GUCY2C: variants seen among roughly 807,000 people sequenced by gnomAD.
GUCY2C encodes guanylyl cyclase C.
GUCY2C carries 118 observed loss-of-function variants against 131.1 expected under a neutral mutation model. The observed-to-expected ratio is 0.90, with a 90% CI of 0.78 to 1.05. The LOEUF (loss-of-function observed/expected upper bound fraction) is 1.05, where lower values mean the gene tolerates loss of function less well. GUCY2C is among the 50% of genes least tolerant of loss of function. The pLI, the probability that GUCY2C is intolerant of heterozygous loss-of-function variation, is 0.00. For synonymous variants in GUCY2C, 452 were observed against 457.8 expected, an observed-to-expected ratio of 0.99 and a Z score of 0.16; for missense variants, 1,161 against 1,304.4, an observed-to-expected ratio of 0.89 and a Z score of 1.69.
intron 3 of GUCY2C, among the ~76,000 whole-genome samples, chr12:14,683,754 C>A (rs559276126): frequency 2.6e-5 from 4 of 152,214 alleles, no homozygotes; most frequent in African/African-American, 9.6e-5. Context: ...ATCTTCAGTG[C>A]TCCATCAAAA....
intron 10 of GUCY2C, among the ~76,000 whole-genome samples, chr12:14,665,379 G>A (rs1055091380): frequency 1.3e-5 from 2 of 152,150 alleles, no homozygotes; most frequent in African/African-American, 4.8e-5. Flanking sequence ...CTTTAAGGAA[G>A]TAGGGAGGAA....
chr12:14,684,621 CTTCCTTCCT>C (rs1477326679), intron 3 of GUCY2C, among the ~76,000 whole-genome samples: 16 of 24,244 alleles, frequency 6.6e-4, no homozygotes, highest in African/African-American at 1.9e-3. Context: ...TCCTTCCTTC[CTTCCTTCCT>C]TTCCTTTCCT....
At chr12:14,628,508 G>C (rs1334853577) in intron 20 of GUCY2C, 138 bp downstream of exon 20, 1 of 611,824 alleles carries the variant, frequency 1.6e-6, no homozygotes, top group African/African-American at 1.9e-5. Context: ...TCATTTTAAT[G>C]TTATGAGGCA....
chr12:14,694,216 A>G (rs535791573), intron 1 of GUCY2C, among the ~76,000 whole-genome samples: 4 of 152,222 alleles, frequency 2.6e-5, no homozygotes, highest in Non-Finnish European at 5.9e-5. Flanking sequence ...AAGATCTGTC[A>G]GGTTCCAAAT....
In GUCY2C at chr12:14,662,599, C is replaced by A. The variant is rs1462266751; in HGVS notation, c.1283-1537G>T. Among the ~76,000 whole-genome samples, 3 of 150,822 alleles carry A rather than the reference C, an allele frequency of 2.0e-5. No individual in the cohort carries two copies. The East Asian group carries it at 5.8e-4, about 29-fold the overall frequency. ...GCTGAAGCAGGAGAATCGCTTGAACCCGGGAGGTGGAGGTTGTAGTGAGCC... is the reference window on the plus strand; with the variant it reads ...GCTGAAGCAGGAGAATCGCTTGAACACGGGAGGTGGAGGTTGTAGTGAGCC... On this transcript the variant is annotated intron_variant, in intron 10 of 26. Coordinates refer to ENST00000261170, the MANE Select transcript of GUCY2C (RefSeq NM_004963.4).
intron 10 of GUCY2C, among the ~76,000 whole-genome samples, chr12:14,663,875 A>G (rs549626864): frequency 2.0e-5 from 3 of 152,356 alleles, no homozygotes; most frequent in Non-Finnish European, 2.9e-5. Context: ...AGAGGCAAGG[A>G]GAAGGTGCTT....
chr12:14,688,158 C>A, intron 1 of GUCY2C, 95 bp from the exon 2 acceptor site: 1 of 769,250 alleles, frequency 1.3e-6, no homozygotes, highest in Admixed American at 2.0e-5. Context: ...AATGGATATC[C>A]ATTTTCAGGC....
intron 1 of GUCY2C, among the ~76,000 whole-genome samples, chr12:14,689,161 T>C (rs994198341): frequency 6.6e-6 from 1 of 152,082 alleles, no homozygotes; most frequent in African/African-American, 2.4e-5. Context: ...TGGACTACAG[T>C]AGTTGGAGCA....
chr12:14,674,690 A>G lies in GUCY2C; in HGVS notation c.1019T>C (p.Leu340Pro). 1 of 1,612,366 alleles carries G rather than the reference A, an allele frequency of 6.2e-7. No individual in the cohort carries two copies. Among genetic ancestry groups the G allele is most frequent in the Non-Finnish European group, 8.5e-7 (1 of 1,178,558 alleles). Residue 340 changes from leucine to proline, a missense_variant, in exon 8 of 27, where the codon CTT becomes CCT. Leu to Pro is a moderately conservative substitution (Grantham distance 98, BLOSUM62 -3). Transcript: ENST00000261170. ...LLFGHMLKIF[L>P]ENGENITTPK... ...GGTGGTAATATTTTCTCCATTTTCA[A>G]GAAATATCTTCAGCATATGTCCAAA...
intron 3 of GUCY2C, among the ~76,000 whole-genome samples, chr12:14,684,594 TTCC>T (rs1309920746): frequency 0.78 from 91,425 of 116,800 alleles, 34,447 homozygotes; most frequent in Non-Finnish European, 0.82. Flanking sequence ...CCTTCCTTCC[TTCC>T]TTCCTTCCTT....
intron 19 of GUCY2C, among the ~76,000 whole-genome samples, chr12:14,634,651 C>T (rs778853210): frequency 1.3e-5 from 2 of 152,114 alleles, no homozygotes; most frequent in Admixed American, 6.6e-5. Flanking sequence ...AAATTTTTCA[C>T]TTAAAAGATA....
Position 14,619,248 on chromosome 12 carries a change from C to A in GUCY2C, c.2838G>T (p.Thr946=), listed in dbSNP as rs760835568. 6.2e-7 allele frequency: 1 copy of A among 1,611,980 alleles called. No individual in the cohort carries two copies. Among genetic ancestry groups the A allele is most frequent in the African/African-American group, 1.3e-5 (1 of 74,858 alleles). The change falls in exon 24 of 27, where the codon ACG becomes ACT. Residue 946 remains threonine (T), a synonymous_variant. Transcript: ENST00000261170. ...KMPRYCLFGD[T]VNTASRMEST... ...ATTCCATCCTAGAGGCTGTGTTGAC[C>A]GTATCTCCAAATAGACAATAACGAG...
In GUCY2C at chr12:14,614,278, G is replaced by A. The variant is rs567989970; in HGVS notation, c.3047+589C>T. On this transcript the variant is annotated intron_variant, in intron 26 of 26. Transcript: ENST00000261170. Reference sequence around the variant, plus strand: ...GATGACTGGTACAGTCTAAGAAAGTGGACAGAATAGGTAGAAGCTCATACC... The same window carrying A: ...GATGACTGGTACAGTCTAAGAAAGTAGACAGAATAGGTAGAAGCTCATACC... 2.6e-5 allele frequency among the ~76,000 whole-genome samples: 4 copies of A among 152,182 alleles called. No individual in the cohort carries two copies. In the East Asian group the frequency reaches 5.8e-4, roughly 22 times the overall value.
rs1948508389 is a variant in GUCY2C at position 14,688,070 on chromosome 12, C to T, written c.218-7G>A. ...TTCACAGTCACATTTAGGCCTGTCG[C>T]CCAGAGATGAGGGAAAATAGAACAC... On this transcript the variant is annotated splice_polypyrimidine_tract_variant and splice_region_variant and intron_variant, in intron 1 of 26. Transcript: ENST00000261170. 1.3e-6 allele frequency: 2 copies of T among 1,540,534 alleles called. No homozygotes were observed. The highest frequency in any genetic ancestry group is 1.1e-5 in the South Asian group (1 of 89,566).
chr12:14,679,793 G>A (rs1347069435), intron 5 of GUCY2C, 40 bp from the exon 6 acceptor site: 5 of 1,011,976 alleles, frequency 4.9e-6, no homozygotes, highest in African/African-American at 1.6e-5. Flanking sequence ...ATATATGACA[G>A]TCTACAGACA....
chr12:14,669,225 A>G (rs1354948175), intron 10 of GUCY2C, among the ~76,000 whole-genome samples: 1 of 126,828 alleles, frequency 7.9e-6, no homozygotes, highest in East Asian at 2.4e-4. Context: ...TTTTTTTTTG[A>G]GACAGGATCT....
chr12:14,632,473 G>A (rs1359022063), intron 19 of GUCY2C, among the ~76,000 whole-genome samples: 1 of 152,144 alleles, frequency 6.6e-6, no homozygotes, highest in African/African-American at 2.4e-5. Context: ...GGGCTTCAAG[G>A]CCTTTTTGAG....
rs535813888 is a variant in GUCY2C, at chr12:14,652,410, A to T, written c.1534-380T>A. ...GCCTGGTCTCAAACTTCTGGCCTCA[A>T]ATGATCCACCCGCCTCAGCCTCCCA... On this transcript the variant is annotated intron_variant, in intron 13 of 26. Coordinates refer to ENST00000261170, the MANE Select transcript of GUCY2C (RefSeq NM_004963.4). Among the ~76,000 whole-genome samples the T allele has an allele frequency of 2.1e-3, 326 of 152,174 alleles. 1 individual carries two copies. Among genetic ancestry groups the T allele is most frequent in the Non-Finnish European group, 1.9e-3 (129 of 67,994 alleles).
At position 14,628,744 on chromosome 12, in the gene GUCY2C, G is replaced by GAAAAA; in HGVS notation, c.2158-12_2158-8dup. ...TTTTTACAAGTAGGTACACCTGGAAGAAAAAAAAACGGGCAAATTAGCTAA... is the reference window on the plus strand; with the variant it reads ...TTTTTACAAGTAGGTACACCTGGAAGAAAAAAAAAAAAAACGGGCAAATTAGCTAA... On this transcript the variant is annotated splice_region_variant and splice_polypyrimidine_tract_variant and intron_variant, in intron 19 of 26. Coordinates refer to ENST00000261170, the MANE Select transcript of GUCY2C (RefSeq NM_004963.4). 1 of 1,339,768 alleles carries GAAAAA rather than the reference G, an allele frequency of 7.5e-7. No homozygotes were observed. The highest frequency in any genetic ancestry group is 1.1e-6 in the Non-Finnish European group (1 of 943,332). The allele number at this position is 1,339,768 out of a possible 1,614,324, so 83.0% of individuals were successfully genotyped here.
Sources: gnomAD v4.1 joint callset for allele counts (sites outside exome capture counted in the v4.1 genomes callset) on GRCh38, gnomAD v4.1.1 for gene constraint, MANE v1.5 for transcripts, NCBI Gene and HGNC (gene_info 2026-07-23, HGNC 2026-07-21) for gene names.